LITAF: variants seen among roughly 807,000 people sequenced by gnomAD.
LITAF encodes lipopolysaccharide-induced tumor necrosis factor-alpha factor.
In LITAF, 9 loss-of-function variants were observed where a neutral mutation model predicts 14.5. The observed-to-expected ratio is 0.62, with a 90% CI of 0.37 to 1.08. The LOEUF (loss-of-function observed/expected upper bound fraction) is 1.08. Ranked by LOEUF, LITAF falls within the 50% of genes least tolerant of loss-of-function variation. The pLI is 0.01. For synonymous variants in LITAF, 98 were observed against 88.2 expected, an observed-to-expected ratio of 1.11 and a Z score of -0.62; for missense variants, 206 against 213.4, an observed-to-expected ratio of 0.97 and a Z score of 0.22.
chr16:11,580,482 T>C (rs2064715163), intron 1 of LITAF, among the ~76,000 whole-genome samples: 1 of 152,114 alleles, frequency 6.6e-6, no homozygotes, highest in South Asian at 2.1e-4. Flanking sequence ...GTTCTTGAAC[T>C]CCTGACCTCA....
intron 1 of LITAF, among the ~76,000 whole-genome samples, chr16:11,567,909 A>T (rs1271679521): frequency 6.6e-6 from 1 of 152,148 alleles, no homozygotes; most frequent in Non-Finnish European, 1.5e-5. Context: ...GCTTCAACCC[A>T]GGAGGCGGAG....
intron 1 of LITAF, among the ~76,000 whole-genome samples, chr16:11,567,915 C>A (rs866246861): frequency 1.3e-5 from 2 of 151,844 alleles, no homozygotes; most frequent in Admixed American, 1.3e-4. Context: ...ACCCAGGAGG[C>A]GGAGGTTGCA....
chr16:11,553,365 C>A lies in LITAF; in HGVS notation c.377+168G>T. ...AGTGGGGGTTACAGTGAGCCGAGATCGCCCCACTGTACTCCAGCCTGGGCG... is the reference window on the plus strand; with the variant it reads ...AGTGGGGGTTACAGTGAGCCGAGATAGCCCCACTGTACTCCAGCCTGGGCG... On this transcript the variant is annotated intron_variant, in intron 3 of 3. Coordinates refer to ENST00000622633, the MANE Select transcript of LITAF (RefSeq NM_001136472.2). This position sits in a 1 kb window ranked among gnomAD's most constrained non-coding sequence, Gnocchi z 7.7. 1 of 700,378 alleles carries A rather than the reference C, an allele frequency of 1.4e-6. No individual in the cohort carries two copies. The highest frequency in any genetic ancestry group is 2.4e-6 in the Non-Finnish European group (1 of 411,114). 43.4% of individuals were successfully genotyped at this position (700,378 alleles called of 1,614,324 possible). A position where few individuals can be genotyped will look rare whatever the true frequency, so the allele number is the denominator to read the frequency against.
upstream of LITAF, among the ~76,000 whole-genome samples, chr16:11,639,134 T>G (rs1029398853): frequency 4.0e-5 from 6 of 151,286 alleles, no homozygotes; most frequent in Admixed American, 4.0e-4. Context: ...GAGACAGGAA[T>G]GGATGCATAG....
chr16:11,554,340 T>C (rs993243211), intron 2 of LITAF, among the ~76,000 whole-genome samples: 1 of 152,168 alleles, frequency 6.6e-6, no homozygotes, highest in Non-Finnish European at 1.5e-5. Flanking sequence ...CAGCCAATGA[T>C]AAGGGTAGAG....
rs977941866 is a variant in LITAF at position 11,548,677 on chromosome 16, T to A, written c.*960A>T. ...CAGAAAATGGTTTTATAAATCCTCC[T>A]CTTGAAATTATGTTCAGGCCCAGCA... On this transcript the variant is annotated 3_prime_UTR_variant, in exon 4 of 4. Transcript: ENST00000622633. The A allele has an allele frequency of 4.4e-6, 2 of 453,638 alleles. No homozygotes were observed. The highest frequency in any genetic ancestry group is 2.0e-5 in the African/African-American group (1 of 49,888). 28.1% of individuals were successfully genotyped at this position (453,638 alleles called of 1,614,324 possible). A position where few individuals can be genotyped will look rare whatever the true frequency, so the allele number is the denominator to read the frequency against.
chr16:11,577,194 G>A (rs1390041992), intron 1 of LITAF, among the ~76,000 whole-genome samples: 2 of 152,104 alleles, frequency 1.3e-5, no homozygotes, highest in Admixed American at 6.6e-5. Context: ...ATTTCCCCAC[G>A]AGGGCTTGAG....
At chr16:11,584,772 C>T (rs2064784142) in intron 1 of LITAF, among the ~76,000 whole-genome samples, 1 of 152,192 alleles carries the variant, frequency 6.6e-6, no homozygotes, top group South Asian at 2.1e-4. Context: ...CCCTCAGGAC[C>T]AGGAGCCATT....
chr16:11,551,445 G>T (rs2064180753), intron 3 of LITAF, among the ~76,000 whole-genome samples: 1 of 152,192 alleles, frequency 6.6e-6, no homozygotes, highest in African/African-American at 2.4e-5. Flanking sequence ...TGAGAGGCAG[G>T]ATTTGAACCC....
rs1364997374 is a variant in LITAF, at chr16:11,553,717, G to A, written c.221-28C>T. 3 of 1,613,668 alleles carry A rather than the reference G, an allele frequency of 1.9e-6. No individual in the cohort carries two copies. The highest frequency in any genetic ancestry group is 1.7e-6 in the Non-Finnish European group (2 of 1,179,822). On this transcript the variant is annotated intron_variant, in intron 2 of 3. Coordinates refer to ENST00000622633, the MANE Select transcript of LITAF (RefSeq NM_001136472.2). This position sits in a 1 kb window ranked among gnomAD's most constrained non-coding sequence, Gnocchi z 7.7. ...GATGAAAGGGAGAGGGACAAACACA[G>A]GTTGCTCAGGAAACAAGGCCAATAG...
intron 1 of LITAF, among the ~76,000 whole-genome samples, chr16:11,598,030 C>T (rs777640451): frequency 3.9e-5 from 6 of 152,170 alleles, no homozygotes; most frequent in Non-Finnish European, 7.4e-5. Flanking sequence ...CTCAGACACC[C>T]GAGTAGCTGG....
intron 3 of LITAF, among the ~76,000 whole-genome samples, chr16:11,626,906 G>A (rs547660965): frequency 3.3e-5 from 5 of 151,368 alleles, no homozygotes; most frequent in East Asian, 2.0e-4. Flanking sequence ...GCAGTGGCAC[G>A]ATCTTGGCTC....
intron 1 of LITAF, among the ~76,000 whole-genome samples, chr16:11,564,487 G>A (rs2064420995): frequency 6.6e-6 from 1 of 151,984 alleles, no homozygotes; most frequent in African/African-American, 2.4e-5. Context: ...CTCCTTGCGC[G>A]CCCAAAACGG....
chr16:11,581,644 T>G (rs2064737605), intron 1 of LITAF, among the ~76,000 whole-genome samples: 1 of 152,126 alleles, frequency 6.6e-6, no homozygotes, highest in African/African-American at 2.4e-5. Flanking sequence ...AAATAAAGTA[T>G]ATTTTGGTTA....
upstream of LITAF, among the ~76,000 whole-genome samples, chr16:11,599,914 G>C (rs566781731): frequency 1.3e-5 from 2 of 152,042 alleles, no homozygotes; most frequent in African/African-American, 2.4e-5. Context: ...CTCTATCTGA[G>C]GTTATCCTCC....
rs770017160 is a variant in LITAF, at chr16:11,549,443, A to T, written c.*194T>A. 1.6e-6 allele frequency: 1 copy of T among 643,140 alleles called. No individual in the cohort carries two copies. The highest frequency in any genetic ancestry group is 1.5e-5 in the South Asian group (1 of 66,188). 39.8% of individuals were successfully genotyped at this position (643,140 alleles called of 1,614,324 possible). ...GGGAATGTCTTTGCAAGTCCTATGC[A>T]CGACTCCAAGCAGCAATTTCTGGGG... On this transcript the variant is annotated 3_prime_UTR_variant, in exon 4 of 4. Coordinates refer to ENST00000622633, the MANE Select transcript of LITAF (RefSeq NM_001136472.2). This position sits in a 1 kb window ranked among gnomAD's most constrained non-coding sequence, Gnocchi z 4.6.
chr16:11,601,291 C>A (rs542501565), upstream of LITAF, among the ~76,000 whole-genome samples: 1 of 151,976 alleles, frequency 6.6e-6, no homozygotes, highest in Non-Finnish European at 1.5e-5. Context: ...GTCATTCCCC[C>A]ACCCAACCCC....
chr16:11,614,061 G>A (rs897729895), intron 3 of LITAF, among the ~76,000 whole-genome samples: 4 of 152,084 alleles, frequency 2.6e-5, no homozygotes, highest in African/African-American at 4.8e-5. Context: ...TTGTACAGAC[G>A]GGGCAGCTGA....
chr16:11,620,882 C>T (rs1335630816), intron 3 of LITAF, among the ~76,000 whole-genome samples: 2 of 152,174 alleles, frequency 1.3e-5, no homozygotes, highest in African/African-American at 2.4e-5. Flanking sequence ...GTCAACACTG[C>T]ACACTGGGCT....
Sources: allele counts gnomAD v4.1 joint callset (sites outside exome capture counted in the v4.1 genomes callset), GRCh38; gene constraint gnomAD v4.1.1; non-coding constraint Gnocchi (gnomAD v3.1); transcripts MANE v1.5; gene names NCBI Gene and HGNC (gene_info 2026-07-23, HGNC 2026-07-21).